The following GALNT13 variants were observed in gnomAD, a reference collection of about 807,000 sequenced individuals.
The protein encoded by GALNT13 is UDP-GalNAc:polypeptide N-acetylgalactosaminyltransferase 13.
Under a neutral mutation model 64.2 loss-of-function variants are expected in GALNT13, and 28 were observed. The ratio of observed to expected loss-of-function variants is 0.44; its 90% CI spans 0.32 to 0.60. The LOEUF (loss-of-function observed/expected upper bound fraction) is 0.60. GALNT13 is among the 20% of genes least tolerant of loss of function. GALNT13 has a pLI of 0.05. For missense variants in GALNT13, 577 were observed against 669.8 expected (o/e 0.86, Z 1.53); for synonymous variants, 214 against 224.6 (o/e 0.95, Z 0.42).
chr2:153,826,126 A>T, the GALNT13 span, among the ~76,000 whole-genome samples: 1 of 152,262 alleles, frequency 6.6e-6, no homozygotes. Context: ...GGCTGGGAGG[A>T]CCCAGGTCAA....
At chr2:153,487,125 G>A in the GALNT13 span, among the ~76,000 whole-genome samples, 4 of 152,136 alleles carry the variant, frequency 2.6e-5, no homozygotes, top group South Asian at 2.1e-4. Context: ...GGAGGAAAAC[G>A]AAATCTCTAC....
At chr2:153,417,029 A>T in the GALNT13 span, among the ~76,000 whole-genome samples, 1,168 of 152,330 alleles carry the variant, frequency 7.7e-3, 15 homozygotes, top group African/African-American at 0.026. Context: ...GGTCAGAAGT[A>T]GGGATCACAA....
chr2:153,989,110 C>T (rs1049970805), intron 3 of GALNT13, among the ~76,000 whole-genome samples: 15 of 151,904 alleles, frequency 9.9e-5, no homozygotes, highest in African/African-American at 3.6e-4. Flanking sequence ...CCTAGTCAAA[C>T]ATTTCAAGGA....
chr2:154,020,203 G>A (rs1215624467), intron 3 of GALNT13, among the ~76,000 whole-genome samples: 5 of 152,084 alleles, frequency 3.3e-5, no homozygotes, highest in Non-Finnish European at 7.4e-5. Context: ...ATAATCCTTT[G>A]GGTATATACC....
chr2:153,906,501 T>G (rs1348051522), intron 2 of GALNT13, among the ~76,000 whole-genome samples: 1 of 151,518 alleles, frequency 6.6e-6, no homozygotes, highest in Non-Finnish European at 1.5e-5. Context: ...CAGTGTTTGG[T>G]TTTTTGTCCT....
intron 9 of GALNT13, among the ~76,000 whole-genome samples, chr2:154,381,578 A>G (rs1698272841): frequency 6.6e-6 from 1 of 152,098 alleles, no homozygotes. Flanking sequence ...AGTGTGTAAC[A>G]TAAGATGCAC....
chr2:154,307,997 T>C (rs1240237608), intron 9 of GALNT13, among the ~76,000 whole-genome samples: 1 of 152,146 alleles, frequency 6.6e-6, no homozygotes, highest in Non-Finnish European at 1.5e-5. Context: ...GATCTCTAGC[T>C]GTAGATCAAC....
chr2:153,535,972 A>G, the GALNT13 span, among the ~76,000 whole-genome samples: 25 of 152,308 alleles, frequency 1.6e-4, no homozygotes, highest in East Asian at 4.6e-3. Context: ...CAGTGAAAGT[A>G]TCTACCTAGA....
At chr2:153,180,750 A>G in the GALNT13 span, among the ~76,000 whole-genome samples, 2 of 151,826 alleles carry the variant, frequency 1.3e-5, no homozygotes, top group African/African-American at 4.8e-5. Flanking sequence ...TTCAAAATCT[A>G]CCAAGATTTT....
chr2:153,744,983 A>G, the GALNT13 span, among the ~76,000 whole-genome samples: 1 of 152,294 alleles, frequency 6.6e-6, no homozygotes, highest in Middle Eastern at 3.4e-3. Context: ...CAGGCAGAGC[A>G]TGGTTTCAGA....
chr2:153,891,788 C>T (rs1474265045), intron 1 of GALNT13, among the ~76,000 whole-genome samples: 1 of 152,008 alleles, frequency 6.6e-6, no homozygotes, highest in East Asian at 1.9e-4. Flanking sequence ...ATTTCAAATT[C>T]TTTAGCATAT....
chr2:154,274,817 A>G (rs1573998920), intron 8 of GALNT13, among the ~76,000 whole-genome samples: 1 of 152,174 alleles, frequency 6.6e-6, no homozygotes, highest in Non-Finnish European at 1.5e-5. Context: ...ACTGGGTAAC[A>G]GGCAGAGGTT....
chr2:153,148,478 C>CTT, the GALNT13 span, among the ~76,000 whole-genome samples: 6 of 135,664 alleles, frequency 4.4e-5, no homozygotes, highest in Admixed American at 7.5e-5. Flanking sequence ...TCCATTTTTT[C>CTT]TTTTTTTTTT....
chr2:153,814,696 C>T, the GALNT13 span, among the ~76,000 whole-genome samples: 4 of 152,124 alleles, frequency 2.6e-5, no homozygotes, highest in African/African-American at 9.7e-5. Flanking sequence ...CTCTCCCTTA[C>T]CTACTGCCAA....
intron 8 of GALNT13, among the ~76,000 whole-genome samples, chr2:154,272,085 A>G (rs1171022790): frequency 1.3e-5 from 2 of 151,986 alleles, no homozygotes; most frequent in Non-Finnish European, 2.9e-5. Flanking sequence ...ATTTCCATTA[A>G]TAAATAAAGA....
the GALNT13 span, among the ~76,000 whole-genome samples, chr2:153,079,403 A>G: frequency 0.21 from 32,489 of 152,186 alleles, 3,870 homozygotes; most frequent in Non-Finnish European, 0.28. Context: ...TATAAAGCAT[A>G]AAGGAGGAAG....
chr2:153,763,987 GA>G, the GALNT13 span, among the ~76,000 whole-genome samples: 1 of 152,180 alleles, frequency 6.6e-6, no homozygotes, highest in African/African-American at 2.4e-5. Flanking sequence ...GAAGATGTGG[GA>G]AAGTTTGGAA....
chr2:153,952,700 A>G (rs938654710), intron 3 of GALNT13, among the ~76,000 whole-genome samples: 1 of 152,150 alleles, frequency 6.6e-6, no homozygotes, highest in Non-Finnish European at 1.5e-5. Context: ...ATTGACTGAC[A>G]CAATCACAAG....
chr2:154,114,884 C>T (rs1703197565), intron 3 of GALNT13, among the ~76,000 whole-genome samples: 1 of 152,132 alleles, frequency 6.6e-6, no homozygotes, highest in African/African-American at 2.4e-5. Context: ...GCTATGCTCA[C>T]CTTGATTTTG....
Sources: allele counts gnomAD v4.1 joint callset (sites outside exome capture counted in the v4.1 genomes callset), GRCh38; gene constraint gnomAD v4.1.1; transcripts MANE v1.5; gene names NCBI Gene and HGNC (gene_info 2026-07-23, HGNC 2026-07-21).